The following RBP2 variants were observed in gnomAD, a reference collection of about 807,000 sequenced individuals.
RBP2 encodes retinol binding protein 2.
A neutral mutation model predicts 17.0 loss-of-function variants in RBP2; 17 were observed. The ratio of observed to expected loss-of-function variants is 1.00; its 90% CI spans 0.68 to 1.50. RBP2 has a LOEUF of 1.50. Among genes scored for constraint, RBP2 ranks in the 40% most tolerant of loss-of-function variants. The pLI, the probability that RBP2 is intolerant of heterozygous loss-of-function variation, is 0.00. For synonymous variants in RBP2, 48 were observed against 57.1 expected, an observed-to-expected ratio of 0.84 and a Z score of 0.72; for missense variants, 158 against 168.2, an observed-to-expected ratio of 0.94 and a Z score of 0.33.
At chr3:139,456,658 T>C (rs1932975333) in intron 2 of RBP2, among the ~76,000 whole-genome samples, 1 of 152,230 alleles carries the variant, frequency 6.6e-6, no homozygotes, top group African/African-American at 2.4e-5. Context: ...AAAGAAACCC[T>C]TACTAGTGAT....
At chr3:139,456,946 A>G (rs1013591767) in intron 2 of RBP2, among the ~76,000 whole-genome samples, 2 of 152,158 alleles carry the variant, frequency 1.3e-5, no homozygotes, top group Admixed American at 1.3e-4. Flanking sequence ...GCTCTTTCTT[A>G]TCATGAGCTT....
chr3:139,455,374 G>A (rs2107865038), intron 2 of RBP2, among the ~76,000 whole-genome samples: 1 of 152,218 alleles, frequency 6.6e-6, no homozygotes, highest in South Asian at 2.1e-4. Flanking sequence ...AAGACATTCA[G>A]CCTCACATTA....
chr3:139,461,884 G>A (rs1298113770), intron 2 of RBP2, among the ~76,000 whole-genome samples: 1 of 152,142 alleles, frequency 6.6e-6, no homozygotes, highest in Non-Finnish European at 1.5e-5. Context: ...TGACTCATAG[G>A]CCCTGGCCCT....
At chr3:139,472,159 G>A (rs980490037) in intron 1 of RBP2, among the ~76,000 whole-genome samples, 3 of 152,140 alleles carry the variant, frequency 2.0e-5, no homozygotes, top group Admixed American at 1.3e-4. Flanking sequence ...TACTCAGGAA[G>A]CCTTTACTGA....
At chr3:139,454,948 G>T in intron 2 of RBP2, 118 bp from the exon 3 acceptor site, 1 of 974,084 alleles carries the variant, frequency 1.0e-6, no homozygotes, top group African/African-American at 1.6e-5. Flanking sequence ...GAAGGGCAGA[G>T]CCCTCAGCCT....
intron 1 of RBP2, among the ~76,000 whole-genome samples, chr3:139,468,176 A>G (rs1254593182): frequency 2.0e-5 from 3 of 152,208 alleles, no homozygotes; most frequent in Admixed American, 1.3e-4. Flanking sequence ...GAGCAAGTCT[A>G]TTTCCACTCA....
chr3:139,476,348 A>C, intron 1 of RBP2, 39 bp downstream of exon 1: 1 of 1,587,990 alleles, frequency 6.3e-7, no homozygotes. Flanking sequence ...CAGTACTCCC[A>C]ACAACAGCTA....
chr3:139,455,116 A>G (rs544188358), intron 2 of RBP2, among the ~76,000 whole-genome samples: 68 of 152,332 alleles, frequency 4.5e-4, no homozygotes, highest in South Asian at 1.7e-3. Context: ...GGAGAAGATG[A>G]TAAATTTCAC....
chr3:139,471,518 G>T (rs147964902), intron 1 of RBP2, among the ~76,000 whole-genome samples: 25 of 152,304 alleles, frequency 1.6e-4, no homozygotes, highest in African/African-American at 5.5e-4. Flanking sequence ...AAGTGAAAAA[G>T]ATGTTCTTCA....
intron 1 of RBP2, among the ~76,000 whole-genome samples, chr3:139,473,017 CCTT>C (rs773328607): frequency 1.6e-4 from 24 of 152,162 alleles, no homozygotes; most frequent in African/African-American, 5.6e-4. Flanking sequence ...TTATGTCTGT[CCTT>C]CTTGATCATC....
chr3:139,468,646 GAACACACACACA>G (rs527351066), intron 1 of RBP2, among the ~76,000 whole-genome samples: 322 of 151,924 alleles, frequency 2.1e-3, no homozygotes, highest in Admixed American at 5.2e-3. Flanking sequence ...TGAGGATGTA[GAACACACACACA>G]AACACACACA....
chr3:139,459,491 C>T lies in RBP2; in HGVS notation c.252+2621G>A, dbSNP rs184296253. Among the ~76,000 whole-genome samples, 422 of 148,522 alleles carry T rather than the reference C, an allele frequency of 2.8e-3. 3 individuals carry two copies. In the East Asian group the frequency reaches 0.029, roughly 10 times the overall value. On this transcript the variant is annotated intron_variant, in intron 2 of 3. Coordinates refer to ENST00000232217, the MANE Select transcript of RBP2 (RefSeq NM_004164.3). ...ATATATATTTAGCCAGGCATGGTGG[C>T]GCACGCCTGTAATCCCAGCTACTTG...
At chr3:139,475,569 G>A (rs538893734) in intron 1 of RBP2, among the ~76,000 whole-genome samples, 49 of 152,240 alleles carry the variant, frequency 3.2e-4, no homozygotes, top group Middle Eastern at 3.4e-3. Flanking sequence ...AAGTTCCAGC[G>A]AAGTTACCCC....
chr3:139,453,762 A>G (rs1226156943), intron 3 of RBP2, among the ~76,000 whole-genome samples: 1 of 152,232 alleles, frequency 6.6e-6, no homozygotes, highest in Non-Finnish European at 1.5e-5. Flanking sequence ...GAGTGTGGGA[A>G]GGACCACCAC....
chr3:139,471,512 G>T (rs1933568995), intron 1 of RBP2, among the ~76,000 whole-genome samples: 1 of 152,166 alleles, frequency 6.6e-6, no homozygotes, highest in Non-Finnish European at 1.5e-5. Context: ...CAATTTAAGT[G>T]AAAAAGATGT....
intron 2 of RBP2, among the ~76,000 whole-genome samples, chr3:139,458,268 C>T (rs187248508): frequency 5.3e-5 from 8 of 152,150 alleles, no homozygotes; most frequent in Admixed American, 3.3e-4. Context: ...CCCTCCTTAG[C>T]GCACTTGCCC....
chr3:139,453,077 A>G lies in RBP2; in HGVS notation c.*39T>C. On this transcript the variant is annotated 3_prime_UTR_variant, in exon 4 of 4. Coordinates refer to ENST00000232217, the MANE Select transcript of RBP2 (RefSeq NM_004164.3). The stretch of plus-strand genomic sequence containing the variant: ...AGCCAGTAGACCACTCAGTGTGGGC[A>G]GTGGGGAGCTTGTGCTTGGCAGGCC... 1.2e-6 allele frequency: 2 copies of G among 1,612,426 alleles called. No individual in the cohort carries two copies. The highest frequency in any genetic ancestry group is 1.7e-6 in the Non-Finnish European group (2 of 1,178,432).
chr3:139,453,212 C>T (rs2107862943), intron 3 of RBP2, 46 bp from the exon 4 acceptor site: 1 of 1,609,894 alleles, frequency 6.2e-7, no homozygotes, highest in Non-Finnish European at 8.5e-7. Context: ...CCAGGCCTTT[C>T]TTCTGCCCAG....
chr3:139,462,159 C>T lies in RBP2; in HGVS notation c.205G>A (p.Val69Ile), dbSNP rs138423587. ...CTCTTTGTGTACTCGTCAAACTCTACTCCAACAGTGAAATCCACATCATAG... is the reference window on the plus strand; with the variant it reads ...CTCTTTGTGTACTCGTCAAACTCTATTCCAACAGTGAAATCCACATCATAG... ...RNYDVDFTVGVEFDEYTKSLD... is the reference protein window; with the variant it reads ...RNYDVDFTVGIEFDEYTKSLD... The change falls in exon 2 of 4, where the codon GTA (valine) becomes ATA (isoleucine). Residue 69 changes from valine (V) to isoleucine (I), a missense_variant. Coordinates refer to ENST00000232217, the MANE Select transcript of RBP2 (RefSeq NM_004164.3). 7.1e-5 allele frequency: 115 copies of T among 1,614,178 alleles called. 3 individuals are homozygous for T. The African/African-American group carries it at 1.4e-3, about 20-fold the overall frequency.
Sources: gnomAD v4.1 joint callset for allele counts (sites outside exome capture counted in the v4.1 genomes callset) on GRCh38, gnomAD v4.1.1 for gene constraint, MANE v1.5 for transcripts, NCBI Gene and HGNC (gene_info 2026-07-23, HGNC 2026-07-21) for gene names.